ARRB1: variants seen among roughly 807,000 people sequenced by gnomAD.
ARRB1 encodes beta-arrestin-1.
A neutral mutation model predicts 56.8 loss-of-function variants in ARRB1; 21 were observed. The ratio of observed to expected loss-of-function variants is 0.37; its 90% CI spans 0.26 to 0.53. The LOEUF (loss-of-function observed/expected upper bound fraction) is 0.53, where lower values mean the gene tolerates loss of function less well. Among genes scored for constraint, ARRB1 ranks in the 20% least tolerant of loss-of-function variants. The pLI, the probability that ARRB1 is intolerant of heterozygous loss-of-function variation, is 0.88. For missense variants in ARRB1, 424 were observed against 553.7 expected (o/e 0.77, Z 2.35); for synonymous variants, 210 against 218.6 (o/e 0.96, Z 0.35).
At chr11:75,296,679 T>C (rs1946757773) in intron 1 of ARRB1, among the ~76,000 whole-genome samples, 1 of 152,166 alleles carries the variant, frequency 6.6e-6, no homozygotes. Flanking sequence ...CAAGGAATTT[T>C]TTTTCCTTTT....
intron 1 of ARRB1, among the ~76,000 whole-genome samples, chr11:75,335,800 T>C (rs1366312366): frequency 1.3e-5 from 2 of 152,216 alleles, no homozygotes; most frequent in Non-Finnish European, 1.5e-5. Flanking sequence ...TTGTAGGGTA[T>C]GATACAGTTT....
intron 4 of ARRB1, 79 bp downstream of exon 4, chr11:75,284,156 G>T: frequency 1.3e-5 from 19 of 1,421,660 alleles, no homozygotes; most frequent in East Asian, 2.3e-5. Flanking sequence ...GTGGGGATGG[G>T]CAGGGAGTTC....
chr11:75,268,944 T>C lies in ARRB1; in HGVS notation c.1038A>G (p.Glu346=). Residue 346 remains glutamate (E), a synonymous_variant, in exon 14 of 16, where the codon GAA becomes GAG. Transcript: ENST00000420843. ...TGGGGTGCATTAGGGTGAAGGGCAG[T>C]TCCACGGCCACGTCGCTGAAACAGA... ...GDLASSDVAV[E]LPFTLMHPKP... 1 of 1,610,130 alleles carries C rather than the reference T, an allele frequency of 6.2e-7. No homozygotes were observed. Among genetic ancestry groups the C allele is most frequent in the Non-Finnish European group, 8.5e-7 (1 of 1,178,962 alleles).
intron 3 of ARRB1, among the ~76,000 whole-genome samples, chr11:75,286,000 A>C (rs1591919384): frequency 6.6e-6 from 1 of 152,140 alleles, no homozygotes. Context: ...TTCAGAAGAC[A>C]CCAAACAGCA....
chr11:75,346,411 T>C (rs529515707), intron 1 of ARRB1, among the ~76,000 whole-genome samples: 2 of 152,138 alleles, frequency 1.3e-5, no homozygotes, highest in East Asian at 3.9e-4. Context: ...GTGGATGAGA[T>C]AAAACCCCTA....
Position 75,272,899 on chromosome 11 carries a change from C to T in ARRB1, c.994G>A (p.Gly332Ser). The T allele has an allele frequency of 6.2e-7, 1 of 1,614,056 alleles. No homozygotes were observed. Among genetic ancestry groups the T allele is most frequent in the Non-Finnish European group, 8.5e-7 (1 of 1,179,986 alleles). Residue 332 changes from glycine to serine, a missense_variant, in exon 12 of 16, where the codon GGC becomes AGC. Transcript: ENST00000420843. Reference sequence around the variant, plus strand: ...GGGCTTGGCTGGAGCACTCACCCGCCCCGAGACACCACCAGCTTCACTTTC... The same window carrying T: ...GGGCTTGGCTGGAGCACTCACCCGCTCCGAGACACCACCAGCTTCACTTTC... The part of the protein sequence containing the change: ...KVKVKLVVSR[G>S]GLLGDLASSD...
intron 1 of ARRB1, 96 bp downstream of exon 1, chr11:75,351,492 G>T: frequency 4.1e-6 from 6 of 1,477,426 alleles, no homozygotes; most frequent in South Asian, 2.5e-5. Flanking sequence ...CGCGGTGGCC[G>T]CGAACGCAGA....
intron 1 of ARRB1, among the ~76,000 whole-genome samples, chr11:75,323,909 T>C (rs1360976232): frequency 6.6e-6 from 1 of 151,926 alleles, no homozygotes; most frequent in Non-Finnish European, 1.5e-5. Flanking sequence ...GGCACCCACA[T>C]GAGGAACAAT....
intron 1 of ARRB1, among the ~76,000 whole-genome samples, chr11:75,294,087 T>C (rs1309715370): frequency 6.6e-6 from 1 of 152,132 alleles, no homozygotes; most frequent in Non-Finnish European, 1.5e-5. Context: ...AGGAATTTGA[T>C]TGGTCAGCAC....
rs1007644875 is a variant in ARRB1 at position 75,262,048 on chromosome 11, G to C, written c.*4115C>G. On this transcript the variant is annotated 3_prime_UTR_variant, in exon 16 of 16. Coordinates refer to ENST00000420843, the MANE Select transcript of ARRB1 (RefSeq NM_004041.5). ...CTCGGCTCTCAGGACAAAAGGCTTG[G>C]GTTTTTCCTGGGCCCGAAGCCCTCC... is the stretch of plus-strand genomic sequence containing the variant. 6.6e-6 allele frequency: 1 copy of C among 152,204 alleles called. No individual in the cohort carries two copies. The highest frequency in any genetic ancestry group is 2.1e-4 in the South Asian group (1 of 4,834). 9.4% of individuals were successfully genotyped at this position (152,204 alleles called of 1,614,324 possible).
At chr11:75,350,661 G>A (rs538438495) in intron 1 of ARRB1, among the ~76,000 whole-genome samples, 2 of 152,332 alleles carry the variant, frequency 1.3e-5, no homozygotes, top group Admixed American at 6.5e-5. Context: ...GAACGGGAGG[G>A]GTTCTCCCAG....
intron 1 of ARRB1, among the ~76,000 whole-genome samples, chr11:75,322,069 T>G (rs886952828): frequency 2.0e-5 from 3 of 152,154 alleles, no homozygotes; most frequent in African/African-American, 7.2e-5. Context: ...TGCTATAAAG[T>G]GGAGGGCTCC....
chr11:75,299,607 T>C (rs1294217105), intron 1 of ARRB1, among the ~76,000 whole-genome samples: 1 of 152,158 alleles, frequency 6.6e-6, no homozygotes, highest in Non-Finnish European at 1.5e-5. Context: ...TACTCAGCTA[T>C]CCTTTTTCCA....
chr11:75,306,337 T>A (rs1443046326), intron 1 of ARRB1, among the ~76,000 whole-genome samples: 2 of 152,142 alleles, frequency 1.3e-5, no homozygotes, highest in Admixed American at 1.3e-4. Context: ...CAGACATTTC[T>A]ACTCGATGTC....
intron 15 of ARRB1, 30 bp downstream of exon 15, chr11:75,267,611 GCGGCCCACCCC>G: frequency 1.2e-6 from 1 of 865,706 alleles, no homozygotes; most frequent in Non-Finnish European, 1.8e-6. Flanking sequence ...CCGCCCACCC[GCGGCCCACCCC>G]CGGATGTCTG....
chr11:75,301,011 G>A (rs1355678504), intron 1 of ARRB1, among the ~76,000 whole-genome samples: 4 of 150,854 alleles, frequency 2.7e-5, no homozygotes, highest in Admixed American at 6.6e-5. Context: ...AGGCATGGTC[G>A]TGGGCGCCTG....
At chr11:75,274,297 T>G in intron 10 of ARRB1, 86 bp from the exon 11 acceptor site, 3 of 1,550,426 alleles carry the variant, frequency 1.9e-6, no homozygotes, top group Non-Finnish European at 2.6e-6. Flanking sequence ...ATATCTAGTC[T>G]GAGCCTGCTC....
rs1262865112 is a variant in ARRB1, at chr11:75,264,381, C to G, written c.*1782G>C. 6.6e-6 allele frequency: 1 copy of G among 152,214 alleles called. No individual in the cohort carries two copies. Among genetic ancestry groups the G allele is most frequent in the Non-Finnish European group, 1.5e-5 (1 of 68,058 alleles). 9.4% of individuals were successfully genotyped at this position (152,214 alleles called of 1,614,324 possible). A position where few individuals can be genotyped will look rare whatever the true frequency, so the allele number is the denominator to read the frequency against. ...CAGAAACTGAGGAGAGAGCCCTTGT[C>G]CTGCTAATCAATATATTTGCCTGGG... On this transcript the variant is annotated 3_prime_UTR_variant, in exon 16 of 16. Transcript: ENST00000420843.
rs1945900381 is a variant in ARRB1, at chr11:75,266,092, GGAA to G, written c.*68_*70del. 1 of 1,326,856 alleles carries G rather than the reference GGAA, an allele frequency of 7.5e-7. No homozygotes were observed. The highest frequency in any genetic ancestry group is 1.1e-6 in the Non-Finnish European group (1 of 921,312). 82.2% of individuals were successfully genotyped at this position (1,326,856 alleles called of 1,614,324 possible). A position where few individuals can be genotyped will look rare whatever the true frequency, so the allele number is the denominator to read the frequency against. ...ACAAAGGGGAAAAGAAACCAGAACAGGAAGAAGACGAGTAAGCATCCGAGTGCA... is the reference window on the plus strand; with the variant it reads ...ACAAAGGGGAAAAGAAACCAGAACAGGAAGACGAGTAAGCATCCGAGTGCA... On this transcript the variant is annotated 3_prime_UTR_variant, in exon 16 of 16. Coordinates refer to ENST00000420843, the MANE Select transcript of ARRB1 (RefSeq NM_004041.5).
Sources: allele counts gnomAD v4.1 joint callset (sites outside exome capture counted in the v4.1 genomes callset), GRCh38; gene constraint gnomAD v4.1.1; transcripts MANE v1.5; gene names NCBI Gene and HGNC (gene_info 2026-07-23, HGNC 2026-07-21).